RPIA: variants seen among roughly 807,000 people sequenced by gnomAD.
The protein encoded by RPIA is ribose 5-phosphate isomerase A, also known as ribose-5-phosphate isomerase.
RPIA carries 29 observed loss-of-function variants against 37.8 expected under a neutral mutation model. The ratio of observed to expected loss-of-function variants is 0.77; its 90% CI spans 0.57 to 1.05. The LOEUF (loss-of-function observed/expected upper bound fraction) is 1.05. Among genes scored for constraint, RPIA ranks in the 50% least tolerant of loss-of-function variants. RPIA has a pLI of 0.00. For synonymous variants in RPIA, 167 were observed against 157.0 expected, an observed-to-expected ratio of 1.06 and a Z score of -0.48; for missense variants, 385 against 413.6, an observed-to-expected ratio of 0.93 and a Z score of 0.60.
chr2:88,715,968 TTCTTTCCAAATAA>T (rs1473662027), intron 3 of RPIA, among the ~76,000 whole-genome samples: 1 of 152,158 alleles, frequency 6.6e-6, no homozygotes, highest in Non-Finnish European at 1.5e-5. Flanking sequence ...GCCTCCTATT[TTCTTTCCAAATAA>T]GAGCTACAAA....
At chr2:88,721,164 A>G (rs910484590) in intron 3 of RPIA, among the ~76,000 whole-genome samples, 6 of 152,070 alleles carry the variant, frequency 3.9e-5, no homozygotes, top group Non-Finnish European at 8.8e-5. Flanking sequence ...GAGTTGAACA[A>G]TGAGAACACA....
intron 3 of RPIA, among the ~76,000 whole-genome samples, chr2:88,714,401 G>A (rs1400203643): frequency 6.6e-6 from 1 of 152,056 alleles, no homozygotes; most frequent in Non-Finnish European, 1.5e-5. Context: ...CGAACTCCTG[G>A]CCTCAAGTGA....
chr2:88,698,393 A>G (rs1026574729), intron 1 of RPIA, 91 bp from the exon 2 acceptor site: 2 of 1,134,810 alleles, frequency 1.8e-6, no homozygotes, highest in Admixed American at 3.4e-5. Flanking sequence ...ATTGCTGTTC[A>G]TAATAATTTT....
At chr2:88,729,369 G>T (rs371893786) in intron 4 of RPIA, 32 bp downstream of exon 4, 1 of 1,602,850 alleles carries the variant, frequency 6.2e-7, no homozygotes. Flanking sequence ...AGACCACTGC[G>T]TATTTCTTTC....
chr2:88,745,423 T>C (rs1476473695), intron 8 of RPIA, among the ~76,000 whole-genome samples: 1 of 152,252 alleles, frequency 6.6e-6, no homozygotes, highest in Admixed American at 6.5e-5. Flanking sequence ...TTGTGAGTTT[T>C]GTATCAAGAT....
At chr2:88,743,562 G>T (rs1246620836) in intron 8 of RPIA, among the ~76,000 whole-genome samples, 2 of 147,304 alleles carry the variant, frequency 1.4e-5, no homozygotes, top group Non-Finnish European at 3.1e-5. Flanking sequence ...GAATGATTTA[G>T]AGAGGATTCC....
chr2:88,723,145 A>C (rs956934817), intron 3 of RPIA, among the ~76,000 whole-genome samples: 3 of 152,212 alleles, frequency 2.0e-5, no homozygotes, highest in Non-Finnish European at 4.4e-5. Flanking sequence ...AGACTGCAAA[A>C]AACAACAACA....
intron 8 of RPIA, among the ~76,000 whole-genome samples, chr2:88,748,727 T>C (rs1489663565): frequency 6.6e-6 from 1 of 152,222 alleles, no homozygotes; most frequent in African/African-American, 2.4e-5. Flanking sequence ...CTTTCTTTTT[T>C]TGGAGACAGG....
At chr2:88,739,598 G>A (rs1403849008) in intron 8 of RPIA, among the ~76,000 whole-genome samples, 1 of 152,204 alleles carries the variant, frequency 6.6e-6, no homozygotes, top group Non-Finnish European at 1.5e-5. Flanking sequence ...GTAATGAAAA[G>A]CTAGTTCTTC....
At chr2:88,723,609 A>G (rs1053868412) in intron 3 of RPIA, among the ~76,000 whole-genome samples, 2 of 152,164 alleles carry the variant, frequency 1.3e-5, no homozygotes, top group Admixed American at 1.3e-4. Flanking sequence ...GGTACTAAGC[A>G]CTGATAGATT....
intron 3 of RPIA, among the ~76,000 whole-genome samples, chr2:88,710,491 A>G (rs1451752779): frequency 1.3e-5 from 2 of 152,190 alleles, no homozygotes; most frequent in Non-Finnish European, 2.9e-5. Flanking sequence ...AAGCAATTTT[A>G]TCATTACTTC....
intron 1 of RPIA, among the ~76,000 whole-genome samples, chr2:88,693,669 T>G (rs1676975030): frequency 6.6e-6 from 1 of 152,252 alleles, no homozygotes; most frequent in South Asian, 2.1e-4. Context: ...AGTACATGTT[T>G]GTTCAATTGT....
At chr2:88,715,226 T>C (rs911805826) in intron 3 of RPIA, among the ~76,000 whole-genome samples, 2 of 152,094 alleles carry the variant, frequency 1.3e-5, no homozygotes, top group African/African-American at 4.8e-5. Flanking sequence ...GTGGAGATGA[T>C]TGGAAAGAGT....
chr2:88,711,199 A>G (rs1182718356), intron 3 of RPIA, among the ~76,000 whole-genome samples: 1 of 152,252 alleles, frequency 6.6e-6, no homozygotes, highest in Non-Finnish European at 1.5e-5. Context: ...TAGAATGTAA[A>G]GGATTGGTGC....
chr2:88,735,973 T>C (rs1263468293), intron 6 of RPIA, among the ~76,000 whole-genome samples: 1 of 152,192 alleles, frequency 6.6e-6, no homozygotes, highest in Non-Finnish European at 1.5e-5. Flanking sequence ...CATCGTTTCA[T>C]GTGTTCAGTG....
At chr2:88,744,859 C>T (rs1010476166) in intron 8 of RPIA, among the ~76,000 whole-genome samples, 1 of 152,086 alleles carries the variant, frequency 6.6e-6, no homozygotes, top group Non-Finnish European at 1.5e-5. Context: ...CTTTTCCCAC[C>T]CCTTTACAGT....
At chr2:88,727,756 A>G (rs542320014) in intron 3 of RPIA, among the ~76,000 whole-genome samples, 1 of 152,340 alleles carries the variant, frequency 6.6e-6, no homozygotes, top group African/African-American at 2.4e-5. Flanking sequence ...TTCTGATAGT[A>G]CTTTTGGAGA....
chr2:88,698,844 T>C (rs1380756857), intron 2 of RPIA, among the ~76,000 whole-genome samples: 4 of 152,226 alleles, frequency 2.6e-5, no homozygotes, highest in African/African-American at 7.2e-5. Context: ...GTTGATGGCA[T>C]TCTACCATTG....
At chr2:88,734,505 G>A (rs756459179) in intron 4 of RPIA, 47 bp from the exon 5 acceptor site, 2 of 1,589,422 alleles carry the variant, frequency 1.3e-6, no homozygotes, top group South Asian at 2.2e-5. Flanking sequence ...AATTAGCAGA[G>A]GCTCCCCTCG....
Sources: gnomAD v4.1 joint callset for allele counts (sites outside exome capture counted in the v4.1 genomes callset) on GRCh38, gnomAD v4.1.1 for gene constraint, MANE v1.5 for transcripts, NCBI Gene and HGNC (gene_info 2026-07-23, HGNC 2026-07-21) for gene names.